The following ASH1L variants were observed in gnomAD, a reference collection of about 807,000 sequenced individuals.
ASH1L encodes histone-lysine N-methyltransferase ASH1L.
A neutral mutation model predicts 269.0 loss-of-function variants in ASH1L; 23 were observed. That is an observed-to-expected ratio of 0.09 (90% CI 0.06 to 0.12). ASH1L has a LOEUF of 0.12. ASH1L is among the 10% of genes least tolerant of loss of function. The pLI is 1.00. For synonymous variants in ASH1L, 1,187 were observed against 1,253.5 expected, an observed-to-expected ratio of 0.95 and a Z score of 1.12; for missense variants, 2,912 against 3,567.8, an observed-to-expected ratio of 0.82 and a Z score of 4.68.
rs368356997 is a variant in ASH1L, at chr1:155,465,773, G to A, written c.4985-5875C>T. Among the ~76,000 whole-genome samples the A allele has an allele frequency of 9.2e-5, 14 of 152,282 alleles. No homozygotes were observed. The East Asian group carries it at 1.9e-3, about 21-fold the overall frequency. ...GGTTGTAATAAAAATGGCTACCATA[G>A]TAAAGGAATATGAACATAAAATATC... On this transcript the variant is annotated intron_variant, in intron 3 of 27. Coordinates refer to ENST00000392403, the MANE Select transcript of ASH1L (RefSeq NM_018489.3).
rs550682046 is a variant in ASH1L at position 155,533,484 on chromosome 1, C to T, written c.-99-11866G>A. ...ATCACAGCACTTTGGGAGGCCGAGG[C>T]GGGTGGATCATGAGGTCAGGAGTTT... On this transcript the variant is annotated intron_variant, in intron 1 of 27. Transcript: ENST00000392403. 5.3e-5 allele frequency among the ~76,000 whole-genome samples: 8 copies of T among 151,396 alleles called. 1 individual carries two copies. The highest frequency in any genetic ancestry group is 1.7e-4 in the African/African-American group (7 of 41,204).
chr1:155,450,301 T>G (rs949517467), intron 4 of ASH1L, among the ~76,000 whole-genome samples: 1 of 152,248 alleles, frequency 6.6e-6, no homozygotes, highest in Admixed American at 6.5e-5. Flanking sequence ...TTATCCTACG[T>G]GGGATTCGTA....
intron 2 of ASH1L, among the ~76,000 whole-genome samples, chr1:155,490,540 C>G (rs568916957): frequency 2.0e-4 from 30 of 151,572 alleles, no homozygotes; most frequent in African/African-American, 7.3e-4. Flanking sequence ...ATTGCTTGAA[C>G]CCAGGAGACG....
chr1:155,338,570 GAAATTTATTTGTAAAATTCAACTTTT>G (rs1487853268), intron 26 of ASH1L, among the ~76,000 whole-genome samples, 180 bp from the exon 27 acceptor site: 1 of 152,086 alleles, frequency 6.6e-6, no homozygotes, highest in African/African-American at 2.4e-5. Context: ...ACCTTTACCA[GAAATTTATTTGTAAAATTCAACTTTT>G]ATTATTTCTC....
intron 1 of ASH1L, among the ~76,000 whole-genome samples, chr1:155,539,744 T>G (rs542444364): frequency 2.6e-5 from 4 of 151,968 alleles, no homozygotes; most frequent in African/African-American, 7.2e-5. Context: ...CACTAGAGAT[T>G]GTTTTTCTCA....
At chr1:155,416,003 A>G (rs981443049) in intron 5 of ASH1L, 80 bp from the exon 6 acceptor site, 6 of 1,193,308 alleles carry the variant, frequency 5.0e-6, no homozygotes, top group African/African-American at 1.6e-5. Context: ...AAAAAAAAAA[A>G]CCATAGCAAT....
At chr1:155,490,682 C>A (rs553153539) in intron 2 of ASH1L, among the ~76,000 whole-genome samples, 1 of 151,162 alleles carries the variant, frequency 6.6e-6, no homozygotes, top group Non-Finnish European at 1.5e-5. Context: ...TCTGGCCAGG[C>A]CTCGTGGCTC....
intron 5 of ASH1L, among the ~76,000 whole-genome samples, chr1:155,421,801 T>C (rs940750661): frequency 1.3e-5 from 2 of 152,070 alleles, no homozygotes; most frequent in Non-Finnish European, 2.9e-5. Context: ...AGTGTAGAAA[T>C]AGATACACAT....
At position 155,343,328 on chromosome 1, in the gene ASH1L, T is replaced by C; in HGVS notation, c.8279A>G (p.Tyr2760Cys). Residue 2760 changes from tyrosine (Y) to cysteine (C), a missense_variant, in exon 24 of 28, where the codon TAT becomes TGT. By Grantham distance (194) the Tyr-to-Cys change is radical. Around this residue, in one of 13 missense-constraint regions of ASH1L, gnomAD observed 179 missense variants for 293.8 expected, o/e 0.61. Coordinates refer to ENST00000392403, the MANE Select transcript of ASH1L (RefSeq NM_018489.3). This position sits in a 1 kb window ranked among gnomAD's most constrained non-coding sequence, Gnocchi z 6.1. ...AGATCACTTACCTTTACAATACGTA[T>C]AAAGGTCCAACACACAGCAGGTCCC... ...VVGTCCVLDL[Y>C]TYCKGRPKGV... is the part of the protein sequence containing the mutation. The C allele has an allele frequency of 1.9e-6, 3 of 1,613,440 alleles. No homozygotes were observed. Among genetic ancestry groups the C allele is most frequent in the Non-Finnish European group, 2.5e-6 (3 of 1,179,730 alleles).
chr1:155,348,666 G>A (rs746169752), intron 19 of ASH1L, among the ~76,000 whole-genome samples: 7 of 152,014 alleles, frequency 4.6e-5, no homozygotes, highest in Non-Finnish European at 8.8e-5. Flanking sequence ...CAGATCACCT[G>A]AGGTCAGGAG....
Position 155,562,377 on chromosome 1 carries a change from G to T in ASH1L, c.-324C>A. 1 of 1,508,790 alleles carries T rather than the reference G, an allele frequency of 6.6e-7. No individual in the cohort carries two copies. Among genetic ancestry groups the T allele is most frequent in the Non-Finnish European group, 9.0e-7 (1 of 1,108,634 alleles). 93.5% of individuals were successfully genotyped at this position (1,508,790 alleles called of 1,614,324 possible). On this transcript the variant is annotated 5_prime_UTR_variant, in exon 1 of 28. Transcript: ENST00000392403. ...GAGGGGAGGCGGGTCCCGCAACCGA[G>T]ACTGGGATCGTCTCCCCTCCGCAAA...
intron 2 of ASH1L, among the ~76,000 whole-genome samples, chr1:155,486,991 C>A (rs1225529098): frequency 6.6e-6 from 1 of 152,086 alleles, no homozygotes; most frequent in African/African-American, 2.4e-5. Flanking sequence ...CAGGGAGAAA[C>A]CCCGTCTGAA....
chr1:155,524,537 A>G lies in ASH1L; in HGVS notation c.-99-2919T>C, dbSNP rs571174291. Among the ~76,000 whole-genome samples, 481 of 151,740 alleles carry G rather than the reference A, an allele frequency of 3.2e-3. 2 individuals are homozygous for G. The highest frequency in any genetic ancestry group is 0.011 in the African/African-American group (468 of 41,370). On this transcript the variant is annotated intron_variant, in intron 1 of 27. Coordinates refer to ENST00000392403, the MANE Select transcript of ASH1L (RefSeq NM_018489.3). Reference sequence around the variant, plus strand: ...ACTCCGTCTCAAAAAAAAAAAAAAAAAAAGTACAAAGTTAGCTGTGCACAG... The same window carrying G: ...ACTCCGTCTCAAAAAAAAAAAAAAAGAAAGTACAAAGTTAGCTGTGCACAG...
chr1:155,507,689 C>A (rs1667904148), intron 2 of ASH1L, among the ~76,000 whole-genome samples: 1 of 152,080 alleles, frequency 6.6e-6, no homozygotes, highest in African/African-American at 2.4e-5. Flanking sequence ...CTGGGCAACA[C>A]AACAAGACAC....
intron 6 of ASH1L, among the ~76,000 whole-genome samples, chr1:155,397,700 A>G (rs1279908727): frequency 1.3e-5 from 2 of 152,000 alleles, no homozygotes; most frequent in Non-Finnish European, 2.9e-5. Flanking sequence ...ACAGATGCCA[A>G]CTACTGGGAT....
intron 1 of ASH1L, among the ~76,000 whole-genome samples, chr1:155,535,561 G>A (rs1669997182): frequency 6.6e-6 from 1 of 151,322 alleles, no homozygotes; most frequent in Non-Finnish European, 1.5e-5. Flanking sequence ...CAATAGGACT[G>A]CTTGAACTCA....
At chr1:155,385,589 G>A (rs1397375242) in intron 7 of ASH1L, among the ~76,000 whole-genome samples, 2 of 152,102 alleles carry the variant, frequency 1.3e-5, no homozygotes, top group Non-Finnish European at 2.9e-5. Context: ...TAATGTCTTG[G>A]TGTGGACATA....
chr1:155,530,958 C>T (rs2148866661), intron 1 of ASH1L, among the ~76,000 whole-genome samples: 1 of 152,064 alleles, frequency 6.6e-6, no homozygotes, highest in Non-Finnish European at 1.5e-5. Flanking sequence ...GCACTCCAGC[C>T]TGGCCAACAG....
At chr1:155,490,406 G>A (rs1666681830) in intron 2 of ASH1L, among the ~76,000 whole-genome samples, 1 of 151,352 alleles carries the variant, frequency 6.6e-6, no homozygotes, top group South Asian at 2.1e-4. Context: ...GAGGTCAGGA[G>A]TTCCAGACCA....
Sources: gnomAD v4.1 joint callset for allele counts (sites outside exome capture counted in the v4.1 genomes callset) on GRCh38, gnomAD v4.1.1 for gene constraint, gnomAD v4.1.1 regional missense constraint, Gnocchi (gnomAD v3.1) non-coding constraint, MANE v1.5 for transcripts, NCBI Gene and HGNC (gene_info 2026-07-23, HGNC 2026-07-21) for gene names.